Variants in CNTN4 observed in about 807,000 individuals in gnomAD.
CNTN4 encodes contactin 4.
A neutral mutation model predicts 122.5 loss-of-function variants in CNTN4; 77 were observed. The ratio of observed to expected loss-of-function variants is 0.63; its 90% CI spans 0.52 to 0.76. The LOEUF (loss-of-function observed/expected upper bound fraction) is 0.76, where lower values mean the gene tolerates loss of function less well. CNTN4 is among the 30% of genes least tolerant of loss of function. The probability of loss-of-function intolerance (pLI) is 0.00; values close to 1 mark genes in which losing one functional copy is unlikely to be tolerated. For missense variants in CNTN4, 1,256 were observed against 1,259.1 expected (o/e 1.00, Z 0.04); for synonymous variants, 512 against 447.0 (o/e 1.15, Z -1.83).
chr3:2,814,309 A>G (rs2092680640), intron 6 of CNTN4, among the ~76,000 whole-genome samples: 1 of 152,264 alleles, frequency 6.6e-6, no homozygotes, highest in Admixed American at 6.5e-5. Context: ...TCCTTGTTTT[A>G]CATACACATT....
chr3:2,101,414 T>C (rs2031944108), intron 2 of CNTN4, among the ~76,000 whole-genome samples: 1 of 152,236 alleles, frequency 6.6e-6, no homozygotes, highest in East Asian at 1.9e-4. Flanking sequence ...TTGTTATATT[T>C]GAGGACAGAC....
intron 3 of CNTN4, among the ~76,000 whole-genome samples, chr3:2,369,452 T>C (rs190737325): frequency 6.6e-6 from 1 of 152,316 alleles, no homozygotes; most frequent in Admixed American, 6.5e-5. Context: ...ATGACAGATA[T>C]TGATATGAAG....
intron 6 of CNTN4, among the ~76,000 whole-genome samples, chr3:2,804,320 A>T (rs971322209): frequency 6.6e-6 from 1 of 152,180 alleles, no homozygotes; most frequent in African/African-American, 2.4e-5. Context: ...TAAAAAATTT[A>T]AAATGAGGAA....
At position 2,739,696 on chromosome 3, in the gene CNTN4, A is replaced by G. The variant is rs373347964; in HGVS notation, c.182+3355A>G. Among the ~76,000 whole-genome samples the G allele has an allele frequency of 2.0e-4, 31 of 152,362 alleles. No individual in the cohort carries two copies. The East Asian group carries it at 5.4e-3, about 27-fold the overall frequency. On this transcript the variant is annotated intron_variant, in intron 5 of 24. Coordinates refer to ENST00000418658, the MANE Select transcript of CNTN4 (RefSeq NM_175607.3). ...TAAAGCAGATCAAAAGGAGAAAAAC[A>G]TATTTATTTAATACAAGTTTTACAT...
At chr3:2,290,918 C>T (rs138997284) in intron 2 of CNTN4, among the ~76,000 whole-genome samples, 2 of 152,236 alleles carry the variant, frequency 1.3e-5, no homozygotes. Context: ...GAAAAATCGA[C>T]ACTATAGGAT....
intron 2 of CNTN4, among the ~76,000 whole-genome samples, chr3:2,322,464 T>C (rs1240055509): frequency 6.6e-6 from 1 of 152,002 alleles, no homozygotes; most frequent in African/African-American, 2.4e-5. Flanking sequence ...CTATATCAAA[T>C]ATCACATGTA....
intron 6 of CNTN4, among the ~76,000 whole-genome samples, chr3:2,756,122 G>A (rs1382059936): frequency 6.6e-6 from 1 of 152,140 alleles, no homozygotes; most frequent in East Asian, 1.9e-4. Context: ...GAGAGGTTAT[G>A]GTGCTGTAGT....
intron 3 of CNTN4, among the ~76,000 whole-genome samples, chr3:2,500,139 G>T (rs1475357402): frequency 6.6e-6 from 1 of 151,932 alleles, no homozygotes. Context: ...AATTTTTAAG[G>T]TTTATGAATA....
intron 3 of CNTN4, among the ~76,000 whole-genome samples, chr3:2,498,700 C>T (rs1313113274): frequency 3.9e-5 from 6 of 151,950 alleles, no homozygotes; most frequent in Admixed American, 2.6e-4. Context: ...CAGGCTGATA[C>T]TGAACTCTTG....
chr3:2,829,364 T>C (rs953463608), intron 7 of CNTN4, among the ~76,000 whole-genome samples: 2 of 152,138 alleles, frequency 1.3e-5, no homozygotes, highest in African/African-American at 4.8e-5. Flanking sequence ...GTGTTTCGTG[T>C]TTAGGAGGAT....
chr3:2,545,473 A>C (rs1575931721), intron 3 of CNTN4, among the ~76,000 whole-genome samples: 2 of 152,034 alleles, frequency 1.3e-5, no homozygotes, highest in East Asian at 3.9e-4. Context: ...GAAGTCTCCC[A>C]CTATTATTGT....
chr3:2,185,516 G>T (rs1345423339), intron 2 of CNTN4, among the ~76,000 whole-genome samples: 1 of 152,102 alleles, frequency 6.6e-6, no homozygotes, highest in Admixed American at 6.5e-5. Context: ...GCTCTAAGTG[G>T]ATCTATAAAA....
intron 13 of CNTN4, among the ~76,000 whole-genome samples, chr3:2,942,823 G>A (rs999450671): frequency 6.6e-6 from 1 of 152,160 alleles, no homozygotes; most frequent in East Asian, 1.9e-4. Flanking sequence ...TTCAGGAAGC[G>A]TGGTTCCCAA....
intron 3 of CNTN4, among the ~76,000 whole-genome samples, chr3:2,446,793 A>C (rs1424051337): frequency 6.6e-6 from 1 of 152,208 alleles, no homozygotes; most frequent in Non-Finnish European, 1.5e-5. Flanking sequence ...GACAGTGCTA[A>C]ATATGTCCTG....
chr3:3,051,818 C>A (rs916722120), intron 23 of CNTN4, among the ~76,000 whole-genome samples: 2 of 152,190 alleles, frequency 1.3e-5, no homozygotes, highest in Admixed American at 6.5e-5. Flanking sequence ...TCACTTGTGT[C>A]TGGTTTTGTC....
chr3:2,983,017 A>G (rs1425486704), intron 13 of CNTN4, among the ~76,000 whole-genome samples: 5 of 151,806 alleles, frequency 3.3e-5, no homozygotes, highest in African/African-American at 7.3e-5. Flanking sequence ...GATCGAGACC[A>G]TCCTGGCGAA....
At chr3:2,292,227 A>G (rs1372287100) in intron 2 of CNTN4, among the ~76,000 whole-genome samples, 1 of 152,130 alleles carries the variant, frequency 6.6e-6, no homozygotes, top group African/African-American at 2.4e-5. Flanking sequence ...TTCTTCTCTA[A>G]TAGTGTTATA....
At position 3,037,323 on chromosome 3, in the gene CNTN4, A is replaced by C. The variant is rs1311838327; in HGVS notation, c.2087A>C (p.Glu696Ala). ...SRPSEKRRTEEALPEVTPANV... is the reference protein window; with the variant it reads ...SRPSEKRRTEAALPEVTPANV... The stretch of plus-strand genomic sequence containing the variant: ...CCCTCAGAGAAACGGAGAACAGAAG[A>C]AGCTCGTGAGTAGCACCCGAGATTC... Residue 696 changes from glutamate (E) to alanine (A), a missense_variant, in exon 18 of 25, where the codon GAA becomes GCA. By Grantham distance (107) the Glu-to-Ala change is moderately radical. Transcript: ENST00000418658. 6.8e-6 allele frequency: 11 copies of C among 1,614,048 alleles called. No homozygotes were observed. The South Asian group carries it at 1.1e-4, about 16-fold the overall frequency.
intron 2 of CNTN4, among the ~76,000 whole-genome samples, chr3:2,267,979 A>G (rs1309827966): frequency 6.6e-6 from 1 of 152,112 alleles, no homozygotes; most frequent in Non-Finnish European, 1.5e-5. Flanking sequence ...TTCTGGATAT[A>G]TGGCAGCAGT....
Sources: allele counts gnomAD v4.1 joint callset (sites outside exome capture counted in the v4.1 genomes callset), GRCh38; gene constraint gnomAD v4.1.1; transcripts MANE v1.5; gene names NCBI Gene and HGNC (gene_info 2026-07-23, HGNC 2026-07-21).